The following HPSE2 variants were observed in gnomAD, a reference collection of about 807,000 sequenced individuals.
The protein encoded by HPSE2 is heparanase 2 (inactive).
Under a neutral mutation model 60.5 loss-of-function variants are expected in HPSE2, and 38 were observed. The ratio of observed to expected loss-of-function variants is 0.63; its 90% CI spans 0.48 to 0.82. HPSE2 has a LOEUF of 0.82. Among genes scored for constraint, HPSE2 ranks in the 40% least tolerant of loss-of-function variants. The probability of loss-of-function intolerance (pLI) is 0.00; values close to 1 mark genes in which losing one functional copy is unlikely to be tolerated. For synonymous variants in HPSE2, 295 were observed against 293.2 expected (o/e 1.01, Z -0.06); for missense variants, 713 against 740.4 (o/e 0.96, Z 0.43).
At chr10:99,178,195 C>G (rs1847609486) in intron 2 of HPSE2, among the ~76,000 whole-genome samples, 1 of 151,428 alleles carries the variant, frequency 6.6e-6, no homozygotes, top group African/African-American at 2.4e-5. Context: ...ACTGTAACAT[C>G]ACAATTAAAA....
chr10:99,305,961 ACGCGCGCGCGCG>A, the HPSE2 span, among the ~76,000 whole-genome samples: 11 of 103,064 alleles, frequency 1.1e-4, no homozygotes, highest in African/African-American at 3.1e-4. Flanking sequence ...ACTCACACAC[ACGCGCGCGCGCG>A]CGCGCGCACA....
chr10:98,548,468 T>A (rs1943760801), intron 9 of HPSE2, among the ~76,000 whole-genome samples: 1 of 151,966 alleles, frequency 6.6e-6, no homozygotes, highest in African/African-American at 2.4e-5. Flanking sequence ...AATATAAAAA[T>A]TAGCTGGGCG....
At chr10:99,289,278 T>C in the HPSE2 span, among the ~76,000 whole-genome samples, 1 of 152,100 alleles carries the variant, frequency 6.6e-6, no homozygotes, top group Non-Finnish European at 1.5e-5. Context: ...AAATAGAAGA[T>C]GAAACAATTT....
chr10:98,577,221 T>C (rs539475260), intron 9 of HPSE2, among the ~76,000 whole-genome samples: 7 of 152,192 alleles, frequency 4.6e-5, no homozygotes, highest in Admixed American at 3.3e-4. Flanking sequence ...TCTATTGTCT[T>C]TATCAATATG....
At chr10:98,896,871 A>C (rs111566571) in intron 3 of HPSE2, among the ~76,000 whole-genome samples, 6 of 152,352 alleles carry the variant, frequency 3.9e-5, no homozygotes, top group African/African-American at 1.2e-4. Flanking sequence ...TCAATTCCTC[A>C]GAAGACACAA....
chr10:99,263,944 C>T, the HPSE2 span, among the ~76,000 whole-genome samples: 1 of 152,218 alleles, frequency 6.6e-6, no homozygotes, highest in African/African-American at 2.4e-5. Context: ...AGTACTTTCA[C>T]CCTGATGAAG....
chr10:98,815,595 C>T (rs188367582), intron 3 of HPSE2, among the ~76,000 whole-genome samples: 1 of 152,172 alleles, frequency 6.6e-6, no homozygotes, highest in African/African-American at 2.4e-5. Flanking sequence ...AGGATGCAAC[C>T]TAAGAGTAAG....
chr10:98,922,298 T>C (rs1300419911), intron 3 of HPSE2, among the ~76,000 whole-genome samples: 1 of 152,174 alleles, frequency 6.6e-6, no homozygotes, highest in African/African-American at 2.4e-5. Context: ...ATAGTGCCCT[T>C]CAGGGGAGCT....
At chr10:98,472,521 T>C (rs1591227524) in intron 11 of HPSE2, among the ~76,000 whole-genome samples, 3 of 152,178 alleles carry the variant, frequency 2.0e-5, no homozygotes. Context: ...TAAAAAATTA[T>C]CCTATTTTTT....
In HPSE2 at chr10:98,878,148, A is replaced by T. The variant is rs945913637; in HGVS notation, c.611-134092T>A. Among the ~76,000 whole-genome samples the T allele has an allele frequency of 1.3e-5, 2 of 152,018 alleles. 1 individual carries two copies. The highest frequency in any genetic ancestry group is 1.3e-4 in the Admixed American group (2 of 15,220). On this transcript the variant is annotated intron_variant, in intron 3 of 11. Transcript: ENST00000370552. ...CAAGACGTTTCAAATCTTTGACAACAGCCAGCACAGTGCTGTGATCACTGA... is the reference window on the plus strand; with the variant it reads ...CAAGACGTTTCAAATCTTTGACAACTGCCAGCACAGTGCTGTGATCACTGA...
At chr10:99,094,849 A>C (rs1843665185) in intron 3 of HPSE2, among the ~76,000 whole-genome samples, 1 of 151,334 alleles carries the variant, frequency 6.6e-6, no homozygotes, top group Non-Finnish European at 1.5e-5. Flanking sequence ...GAGCCTCCAC[A>C]CCAGGCCAAA....
intron 3 of HPSE2, 50 bp from the exon 4 acceptor site, chr10:98,744,106 A>G: frequency 6.4e-7 from 1 of 1,555,608 alleles, no homozygotes; most frequent in South Asian, 1.1e-5. Context: ...ACATTCCAAC[A>G]AAAGGAAAAT....
At chr10:98,852,868 C>T (rs1372052876) in intron 3 of HPSE2, among the ~76,000 whole-genome samples, 1 of 152,158 alleles carries the variant, frequency 6.6e-6, no homozygotes, top group East Asian at 1.9e-4. Flanking sequence ...AAGATGAGCT[C>T]TTATATACAC....
chr10:99,267,790 C>A, the HPSE2 span, among the ~76,000 whole-genome samples: 81 of 136,264 alleles, frequency 5.9e-4, no homozygotes, highest in Admixed American at 2.7e-3. Flanking sequence ...AAAAAAAAAA[C>A]AAAAAACAAA....
chr10:98,572,820 G>A (rs983152427), intron 9 of HPSE2, among the ~76,000 whole-genome samples: 1 of 152,166 alleles, frequency 6.6e-6, no homozygotes, highest in East Asian at 1.9e-4. Context: ...GTGGTACGTG[G>A]CCACGAACAG....
At chr10:99,310,666 G>A in the HPSE2 span, among the ~76,000 whole-genome samples, 37 of 152,142 alleles carry the variant, frequency 2.4e-4, no homozygotes, top group Admixed American at 2.2e-3. Context: ...CCGCTCTGTC[G>A]CTCAGGCTGG....
chr10:98,483,861 G>C (rs913281535), intron 10 of HPSE2, among the ~76,000 whole-genome samples: 22 of 152,258 alleles, frequency 1.4e-4, no homozygotes, highest in Middle Eastern at 3.4e-3. Flanking sequence ...AGATTTGGGG[G>C]CTATTCATTA....
chr10:98,876,198 T>C (rs951916327), intron 3 of HPSE2, among the ~76,000 whole-genome samples: 1 of 151,890 alleles, frequency 6.6e-6, no homozygotes, highest in African/African-American at 2.4e-5. Flanking sequence ...TAGGAAGGAG[T>C]TAACTTTATG....
At chr10:98,626,940 A>G (rs1946231846) in intron 7 of HPSE2, among the ~76,000 whole-genome samples, 1 of 151,944 alleles carries the variant, frequency 6.6e-6, no homozygotes, top group East Asian at 1.9e-4. Flanking sequence ...CGCCCAGCTA[A>G]TTTTTTGTAT....
Sources: gnomAD v4.1 joint callset for allele counts (sites outside exome capture counted in the v4.1 genomes callset) on GRCh38, gnomAD v4.1.1 for gene constraint, MANE v1.5 for transcripts, NCBI Gene and HGNC (gene_info 2026-07-23, HGNC 2026-07-21) for gene names.